FCN1: variants seen among roughly 807,000 people sequenced by gnomAD.
The protein encoded by FCN1 is ficolin-1.
Under a neutral mutation model 35.6 loss-of-function variants are expected in FCN1, and 42 were observed. That is an observed-to-expected ratio of 1.18 (90% CI 0.92 to 1.53). The LOEUF (loss-of-function observed/expected upper bound fraction) is 1.53. Among genes scored for constraint, FCN1 ranks in the 40% most tolerant of loss-of-function variants. The probability of loss-of-function intolerance (pLI) is 0.00; values close to 1 mark genes in which losing one functional copy is unlikely to be tolerated. For synonymous variants in FCN1, 179 were observed against 169.8 expected (o/e 1.05, Z -0.42); for missense variants, 439 against 428.4 (o/e 1.02, Z -0.22).
chr9:134,916,808 G>A lies in FCN1; in HGVS notation c.104-347C>T, dbSNP rs114661886. Among the ~76,000 whole-genome samples the A allele has an allele frequency of 1.5e-3, 231 of 152,270 alleles. 2 individuals carry two copies. The South Asian group carries it at 0.016, about 11-fold the overall frequency. ...ATTTAGAAAGAGCTTAATAAACAGC[G>A]GGCACTTTCAATAACTAATGACAAT... On this transcript the variant is annotated intron_variant, in intron 1 of 8. Coordinates refer to ENST00000371806, the MANE Select transcript of FCN1 (RefSeq NM_002003.5).
In FCN1 at chr9:134,915,535, C is replaced by A. The variant is rs12001054; in HGVS notation, c.218-726G>T. Among the ~76,000 whole-genome samples the A allele has an allele frequency of 2.0e-5, 3 of 152,122 alleles. No homozygotes were observed. In the South Asian group the frequency reaches 6.2e-4, roughly 32 times the overall value. On this transcript the variant is annotated intron_variant, in intron 2 of 8. Coordinates refer to ENST00000371806, the MANE Select transcript of FCN1 (RefSeq NM_002003.5). ...CCCCAGTGTTCCCTCAGCAGGGGAT[C>A]GGGACCGCACTCTCAGGTCCAGCCT...
chr9:134,911,785 T>C (rs1831026379), intron 7 of FCN1, among the ~76,000 whole-genome samples: 1 of 152,242 alleles, frequency 6.6e-6, no homozygotes, highest in African/African-American at 2.4e-5. Context: ...TTTCCCGTTA[T>C]TTCAGAGAAC....
chr9:134,917,172 TCCA>T (rs1831102324), intron 1 of FCN1, among the ~76,000 whole-genome samples: 1 of 152,202 alleles, frequency 6.6e-6, no homozygotes, highest in Non-Finnish European at 1.5e-5. Context: ...CAGTCCTCCT[TCCA>T]CTAGAGCAGG....
chr9:134,915,021 C>T (rs988418453), intron 2 of FCN1, among the ~76,000 whole-genome samples: 1 of 152,120 alleles, frequency 6.6e-6, no homozygotes, highest in Admixed American at 6.5e-5. Flanking sequence ...TGCACCCCAC[C>T]TTGGGCTCAA....
Position 134,912,572 on chromosome 9 carries a change from T to C in FCN1, c.512A>G (p.Asp171Gly). ...GAAGCCCTGCTTGTATGCGGCCCAGTCCCGATAGAAGTCCACAGAGCCATC... is the reference window on the plus strand; with the variant it reads ...GAAGCCCTGCTTGTATGCGGCCCAGCCCCGATAGAAGTCCACAGAGCCATC... ...RMDGSVDFYR[D>G]WAAYKQGFGS... Residue 171 changes from aspartate (D) to glycine (G), a missense_variant, in exon 7 of 9, where the codon GAC becomes GGC. Asp to Gly is a moderately conservative substitution (Grantham distance 94). Coordinates refer to ENST00000371806, the MANE Select transcript of FCN1 (RefSeq NM_002003.5). 6.2e-7 allele frequency: 1 copy of C among 1,614,030 alleles called. No individual in the cohort carries two copies. Among genetic ancestry groups the C allele is most frequent in the Non-Finnish European group, 8.5e-7 (1 of 1,179,956 alleles).
In FCN1 at chr9:134,916,584, G is replaced by A. The variant is rs903921667; in HGVS notation, c.104-123C>T. The A allele has an allele frequency of 4.3e-6, 4 of 940,048 alleles. No homozygotes were observed. In the Admixed American group the frequency reaches 5.7e-5, roughly 13 times the overall value. 58.2% of individuals were successfully genotyped at this position (940,048 alleles called of 1,614,324 possible). On this transcript the variant is annotated intron_variant, in intron 1 of 8. Transcript: ENST00000371806. The stretch of plus-strand genomic sequence containing the variant: ...TCAGGCACTGGTGAGGCGGAGATGT[G>A]ATGGGGGGCAGAGCTCTGGCTTTGG...
Position 134,916,328 on chromosome 9 carries a change from C to T in FCN1, c.217+20G>A. 1 of 1,588,440 alleles carries T rather than the reference C, an allele frequency of 6.3e-7. No individual in the cohort carries two copies. The highest frequency in any genetic ancestry group is 8.6e-7 in the Non-Finnish European group (1 of 1,156,738). On this transcript the variant is annotated intron_variant, in intron 2 of 8. Transcript: ENST00000371806. ...CAGTGCCCCTGCCATGCCTGGCCTCCCCACCCGGCCCGCACCTACCTCTCT... is the reference window on the plus strand; with the variant it reads ...CAGTGCCCCTGCCATGCCTGGCCTCTCCACCCGGCCCGCACCTACCTCTCT...
In FCN1 at chr9:134,908,833, G is replaced by A. The variant is rs1348193915; in HGVS notation, c.*965C>T. The A allele has an allele frequency of 9.7e-6, 2 of 206,748 alleles. No individual in the cohort carries two copies. The highest frequency in any genetic ancestry group is 4.7e-5 in the African/African-American group (2 of 42,284). 12.8% of individuals were successfully genotyped at this position (206,748 alleles called of 1,614,324 possible). ...CTTGTTGTTTCAAGCCACTCCATTTGTGGTGACTGGTTGCGGCAATAGTAG... is the reference window on the plus strand; with the variant it reads ...CTTGTTGTTTCAAGCCACTCCATTTATGGTGACTGGTTGCGGCAATAGTAG... On this transcript the variant is annotated 3_prime_UTR_variant, in exon 9 of 9. Transcript: ENST00000371806.
chr9:134,916,731 C>A (rs1831097452), intron 1 of FCN1, among the ~76,000 whole-genome samples: 1 of 152,204 alleles, frequency 6.6e-6, no homozygotes, highest in Non-Finnish European at 1.5e-5. Flanking sequence ...AGGTTGCGGC[C>A]AGGATTTGGT....
intron 2 of FCN1, among the ~76,000 whole-genome samples, chr9:134,915,136 C>T (rs1055527927): frequency 6.6e-6 from 1 of 152,208 alleles, no homozygotes; most frequent in Admixed American, 6.5e-5. Context: ...GCTCTACTGC[C>T]TAGCAAGGGA....
Position 134,911,282 on chromosome 9 carries a change from T to A in FCN1, c.599-15A>T, listed in dbSNP as rs1046386599. ...CTCGCTGCTTCCTGTTGGAAAAAGA[T>A]TTTAAGGCCCCAGCCTTTAAGATCT... is the stretch of plus-strand genomic sequence containing the variant. On this transcript the variant is annotated splice_polypyrimidine_tract_variant and intron_variant, in intron 7 of 8. Transcript: ENST00000371806. 1 of 1,613,508 alleles carries A rather than the reference T, an allele frequency of 6.2e-7. No individual in the cohort carries two copies. Among genetic ancestry groups the A allele is most frequent in the Non-Finnish European group, 8.5e-7 (1 of 1,179,536 alleles).
Position 134,916,406 on chromosome 9 carries a change from G to A in FCN1, c.159C>T (p.Cys53=), listed in dbSNP as rs1204732753. The change falls in exon 2 of 9, where the codon TGC becomes TGT. Residue 53 remains cysteine, a synonymous_variant. Transcript: ENST00000371806. The part of the protein sequence containing the change: ...GSDKLTILRG[C]PGLPGAPGPK... ...GCCCTGGGGCCCCGGGCAGCCCCGG[G>A]CAGCCTCGGAGAATGGTGAGCTTGT... 6.2e-7 allele frequency: 1 copy of A among 1,614,220 alleles called. No homozygotes were observed.
At position 134,909,532 on chromosome 9, in the gene FCN1, G is replaced by A. The variant is rs757694931; in HGVS notation, c.*266C>T. 43 of 1,387,772 alleles carry A rather than the reference G, an allele frequency of 3.1e-5. No individual in the cohort carries two copies. The Admixed American group carries it at 8.4e-4, about 27-fold the overall frequency. 86.0% of individuals were successfully genotyped at this position (1,387,772 alleles called of 1,614,324 possible). On this transcript the variant is annotated 3_prime_UTR_variant, in exon 9 of 9. Transcript: ENST00000371806. The stretch of plus-strand genomic sequence containing the variant: ...AAGACCTGCCGTGCAACAGACACAG[G>A]AAAGTGATCAAAACCACTGGTGTTC...
Position 134,909,267 on chromosome 9 carries a change from C to T in FCN1, c.*531G>A, listed in dbSNP as rs959917065. The stretch of plus-strand genomic sequence containing the variant: ...GGGAAGCAGAAAAGTTCCTACTAAA[C>T]TTTCCCCCTTTTTAGTAAGTGTTTT... On this transcript the variant is annotated 3_prime_UTR_variant, in exon 9 of 9. Transcript: ENST00000371806. 3.9e-6 allele frequency: 5 copies of T among 1,289,716 alleles called. No homozygotes were observed. In the East Asian group the frequency reaches 1.7e-4, roughly 43 times the overall value. The allele number at this position is 1,289,716 out of a possible 1,614,324, so 79.9% of individuals were successfully genotyped here.
In FCN1 at chr9:134,916,727, C is replaced by T. The variant is rs150847045; in HGVS notation, c.104-266G>A. 1.5e-3 allele frequency among the ~76,000 whole-genome samples: 231 copies of T among 152,326 alleles called. 2 individuals carry two copies. In the South Asian group the frequency reaches 0.016, roughly 11 times the overall value. The stretch of plus-strand genomic sequence containing the variant: ...CCAAGCGGGGATAATAACAAGGTTG[C>T]GGCCAGGATTTGGTTAAAGAATGTG... On this transcript the variant is annotated intron_variant, in intron 1 of 8. Coordinates refer to ENST00000371806, the MANE Select transcript of FCN1 (RefSeq NM_002003.5).
At chr9:134,913,216 C>T in intron 5 of FCN1, 73 bp from the exon 6 acceptor site, 1 of 1,586,818 alleles carries the variant, frequency 6.3e-7, no homozygotes. Flanking sequence ...GAGGGAGGCC[C>T]AGGAGGGAGG....
chr9:134,916,391 C>T lies in FCN1; in HGVS notation c.174G>A (p.Gly58=), dbSNP rs1009578072. Residue 58 remains glycine, a synonymous_variant, in exon 2 of 9, where the codon GGG becomes GGA. Coordinates refer to ENST00000371806, the MANE Select transcript of FCN1 (RefSeq NM_002003.5). The stretch of plus-strand genomic sequence containing the variant: ...CTGCCTCTCCCTTTGGCCCTGGGGC[C>T]CCGGGCAGCCCCGGGCAGCCTCGGA... ...TILRGCPGLP[G]APGPKGEAGV... 13 of 1,613,996 alleles carry T rather than the reference C, an allele frequency of 8.1e-6. No homozygotes were observed. Among genetic ancestry groups the T allele is most frequent in the Admixed American group, 3.3e-5 (2 of 60,000 alleles).
chr9:134,905,725 C>T lies in FCN1; in HGVS notation c.*4073G>A, dbSNP rs562473554. Among the ~76,000 whole-genome samples, 167 of 151,348 alleles carry T rather than the reference C, an allele frequency of 1.1e-3. 1 individual carries two copies. Among genetic ancestry groups the T allele is most frequent in the African/African-American group, 3.9e-3 (162 of 41,034 alleles). Reference sequence around the variant, plus strand: ...GGTCTTGATCTCCTGACCTTGTGATCCGCCCGCCTCGGCCTCCCAAAGTGC... The same window carrying T: ...GGTCTTGATCTCCTGACCTTGTGATTCGCCCGCCTCGGCCTCCCAAAGTGC... On this transcript the variant is annotated 3_prime_UTR_variant, in exon 9 of 9. Coordinates refer to ENST00000371806, the MANE Select transcript of FCN1 (RefSeq NM_002003.5).
At chr9:134,912,706 T>A (rs1459601849) in intron 6 of FCN1, 91 bp from the exon 7 acceptor site, 2 of 1,559,314 alleles carry the variant, frequency 1.3e-6, no homozygotes, top group Non-Finnish European at 1.8e-6. Context: ...GCATTTGTAG[T>A]TGGCAGAGCA....
Sources: gnomAD v4.1 joint callset for allele counts (sites outside exome capture counted in the v4.1 genomes callset) on GRCh38, gnomAD v4.1.1 for gene constraint, MANE v1.5 for transcripts, NCBI Gene and HGNC (gene_info 2026-07-23, HGNC 2026-07-21) for gene names.